Variants in CTNND2 observed in about 807,000 individuals in gnomAD.
CTNND2 encodes the protein catenin delta-2.
CTNND2 carries 22 observed loss-of-function variants against 144.4 expected under a neutral mutation model. That is an observed-to-expected ratio of 0.15 (90% CI 0.11 to 0.22). The LOEUF is 0.22. Among genes scored for constraint, CTNND2 ranks in the 10% least tolerant of loss-of-function variants. CTNND2 has a pLI of 1.00. For synonymous variants in CTNND2, 751 were observed against 695.6 expected (o/e 1.08, Z -1.25); for missense variants, 1,353 against 1,618.8 (o/e 0.84, Z 2.82).
chr5:11,722,981 T>G (rs1387278165), intron 2 of CTNND2, among the ~76,000 whole-genome samples: 1 of 152,128 alleles, frequency 6.6e-6, no homozygotes, highest in Non-Finnish European at 1.5e-5. Flanking sequence ...AGCACAAATA[T>G]GTGAAAAATC....
intron 3 of CTNND2, among the ~76,000 whole-genome samples, chr5:11,449,350 T>C (rs1765106741): frequency 6.6e-6 from 1 of 152,224 alleles, no homozygotes; most frequent in Non-Finnish European, 1.5e-5. Flanking sequence ...CATGGTAGAA[T>C]TCAACATCGT....
chr5:11,578,541 G>A (rs1186130766), intron 2 of CTNND2, among the ~76,000 whole-genome samples: 1 of 151,980 alleles, frequency 6.6e-6, no homozygotes, highest in Non-Finnish European at 1.5e-5. Context: ...CGCACCTGTA[G>A]TACCAGCTTC....
At chr5:11,892,208 T>C (rs1032573851) in intron 1 of CTNND2, among the ~76,000 whole-genome samples, 18 of 152,074 alleles carry the variant, frequency 1.2e-4, no homozygotes, top group African/African-American at 4.3e-4. Flanking sequence ...CTTAGCTTGT[T>C]GATGATGGTG....
intron 9 of CTNND2, among the ~76,000 whole-genome samples, chr5:11,238,341 C>T (rs1741859366): frequency 6.6e-6 from 1 of 152,164 alleles, no homozygotes; most frequent in Non-Finnish European, 1.5e-5. Flanking sequence ...GTTCTGCAAC[C>T]ACCTCTATTC....
At chr5:11,683,885 T>C (rs1326619243) in intron 2 of CTNND2, among the ~76,000 whole-genome samples, 2 of 152,186 alleles carry the variant, frequency 1.3e-5, no homozygotes, top group African/African-American at 4.8e-5. Context: ...CCATGTTTCA[T>C]TTCCTCACTG....
intron 16 of CTNND2, 71 bp from the exon 17 acceptor site, chr5:11,023,050 T>A: frequency 7.1e-7 from 1 of 1,399,304 alleles, no homozygotes; most frequent in Non-Finnish European, 1.0e-6. Context: ...CAGAGGTGGG[T>A]ATGGGGGAGA....
chr5:11,032,920 C>T (rs375908564), intron 16 of CTNND2, among the ~76,000 whole-genome samples: 12 of 152,298 alleles, frequency 7.9e-5, no homozygotes, highest in Admixed American at 7.2e-4. Flanking sequence ...GGGAATAATT[C>T]TGTATTTTGA....
In CTNND2 at chr5:11,694,228, G is replaced by A. The variant is rs181744645; in HGVS notation, c.174+37908C>T. 2.6e-5 allele frequency among the ~76,000 whole-genome samples: 4 copies of A among 152,160 alleles called. No individual in the cohort carries two copies. The East Asian group carries it at 7.7e-4, about 29-fold the overall frequency. On this transcript the variant is annotated intron_variant, in intron 2 of 21. Transcript: ENST00000304623. ...AGGTGGGTGGATCACGAGGTCAGGA[G>A]ATCAAGACCATCCTGGCTAACACGG...
intron 11 of CTNND2, among the ~76,000 whole-genome samples, chr5:11,188,650 T>C (rs560743634): frequency 2.0e-5 from 3 of 152,308 alleles, no homozygotes; most frequent in Admixed American, 1.3e-4. Context: ...ATACTGTATA[T>C]GGAAATGTCT....
chr5:11,772,986 C>T (rs1024117043), intron 1 of CTNND2, among the ~76,000 whole-genome samples: 1 of 152,022 alleles, frequency 6.6e-6, no homozygotes, highest in African/African-American at 2.4e-5. Flanking sequence ...ATAAGATGAC[C>T]CAGATCATCA....
chr5:11,483,977 A>G (rs1239394803), intron 3 of CTNND2, among the ~76,000 whole-genome samples: 1 of 152,218 alleles, frequency 6.6e-6, no homozygotes, highest in African/African-American at 2.4e-5. Context: ...AAGCAGGCAT[A>G]GTCATAGATA....
intron 3 of CTNND2, among the ~76,000 whole-genome samples, chr5:11,464,951 T>C (rs994861106): frequency 6.6e-6 from 1 of 152,178 alleles, no homozygotes; most frequent in Non-Finnish European, 1.5e-5. Context: ...TCCTCAGTTA[T>C]TGTGAGTATG....
intron 12 of CTNND2, among the ~76,000 whole-genome samples, chr5:11,138,868 G>C (rs1014610264): frequency 6.6e-6 from 1 of 152,194 alleles, no homozygotes; most frequent in African/African-American, 2.4e-5. Context: ...TAGTCATGAG[G>C]AGGTTCCTTC....
rs184837371 is a variant in CTNND2, at chr5:11,543,600, T to C, written c.287+21344A>G. ...TGAATTTTACACTTAAATGGGTGAA[T>C]TGCATGGCATATACATTATATATCA... On this transcript the variant is annotated intron_variant, in intron 3 of 21. Coordinates refer to ENST00000304623, the MANE Select transcript of CTNND2 (RefSeq NM_001332.4). Among the ~76,000 whole-genome samples, 169 of 151,668 alleles carry C rather than the reference T, an allele frequency of 1.1e-3. 1 individual carries two copies. Among genetic ancestry groups the C allele is most frequent in the Non-Finnish European group, 3.1e-4 (21 of 67,998 alleles).
intron 12 of CTNND2, among the ~76,000 whole-genome samples, chr5:11,156,448 T>C (rs911493322): frequency 1.6e-4 from 24 of 152,198 alleles, no homozygotes; most frequent in African/African-American, 5.5e-4. Flanking sequence ...ATGCTCCTTC[T>C]GCTGGATTTC....
intron 9 of CTNND2, among the ~76,000 whole-genome samples, chr5:11,273,088 TTAA>T (rs1432840948): frequency 1.3e-5 from 2 of 152,208 alleles, no homozygotes; most frequent in Non-Finnish European, 2.9e-5. Context: ...TTGAATTTCA[TTAA>T]TAATAGTTTT....
intron 3 of CTNND2, among the ~76,000 whole-genome samples, chr5:11,436,034 C>T (rs189077120): frequency 2.6e-5 from 4 of 152,012 alleles, no homozygotes; most frequent in Admixed American, 2.6e-4. Context: ...GACGGCAGGG[C>T]AGAGTTAGGT....
intron 9 of CTNND2, among the ~76,000 whole-genome samples, chr5:11,334,445 T>C (rs1285028897): frequency 2.0e-5 from 3 of 152,220 alleles, no homozygotes; most frequent in Admixed American, 1.3e-4. Flanking sequence ...AAACCAACTT[T>C]CATTTTTTTC....
chr5:11,866,821 G>A (rs979621532), intron 1 of CTNND2, among the ~76,000 whole-genome samples: 3 of 152,124 alleles, frequency 2.0e-5, no homozygotes, highest in East Asian at 1.9e-4. Flanking sequence ...AATTCTTCGC[G>A]TGATCAATAA....
Sources: gnomAD v4.1 joint callset for allele counts (sites outside exome capture counted in the v4.1 genomes callset) on GRCh38, gnomAD v4.1.1 for gene constraint, MANE v1.5 for transcripts, NCBI Gene and HGNC (gene_info 2026-07-23, HGNC 2026-07-21) for gene names.